RPS6KB1: variants seen among roughly 807,000 people sequenced by gnomAD.
RPS6KB1 encodes ribosomal protein S6 kinase B1, also known as ribosomal protein S6 kinase beta-1.
In RPS6KB1, 12 loss-of-function variants were observed where a neutral mutation model predicts 70.2. The ratio of observed to expected loss-of-function variants is 0.17; its 90% CI spans 0.11 to 0.28. The LOEUF (loss-of-function observed/expected upper bound fraction) is 0.28. RPS6KB1 is among the 10% of genes least tolerant of loss of function. The pLI is 1.00. For synonymous variants in RPS6KB1, 175 were observed against 211.2 expected, an observed-to-expected ratio of 0.83 and a Z score of 1.49; for missense variants, 270 against 646.6, an observed-to-expected ratio of 0.42 and a Z score of 6.32.
At chr17:59,917,672 A>G (rs2043035405) in intron 4 of RPS6KB1, among the ~76,000 whole-genome samples, 1 of 152,180 alleles carries the variant, frequency 6.6e-6, no homozygotes. Context: ...TCCTGGCCTC[A>G]AGCAGTTGTT....
At chr17:59,894,951 G>A (rs999391836) in intron 1 of RPS6KB1, among the ~76,000 whole-genome samples, 3 of 151,866 alleles carry the variant, frequency 2.0e-5, no homozygotes, top group Admixed American at 6.6e-5. Context: ...AAAATCACAC[G>A]GTTTAGAAAG....
intron 1 of RPS6KB1, among the ~76,000 whole-genome samples, chr17:59,896,011 A>C (rs924612953): frequency 1.3e-5 from 2 of 152,202 alleles, no homozygotes; most frequent in Non-Finnish European, 2.9e-5. Flanking sequence ...CACTAGTTAC[A>C]ATTGGAAACA....
At chr17:59,926,806 A>C (rs1342226340) in intron 5 of RPS6KB1, among the ~76,000 whole-genome samples, 1 of 152,196 alleles carries the variant, frequency 6.6e-6, no homozygotes, top group Non-Finnish European at 1.5e-5. Flanking sequence ...ATTTTATTTT[A>C]ATTCCTTTGT....
intron 1 of RPS6KB1, among the ~76,000 whole-genome samples, chr17:59,895,064 A>G (rs1332745328): frequency 6.6e-6 from 1 of 151,584 alleles, no homozygotes; most frequent in African/African-American, 2.4e-5. Flanking sequence ...TCTGTCACCC[A>G]GGCTGGAATG....
intron 4 of RPS6KB1, among the ~76,000 whole-genome samples, chr17:59,920,811 G>A (rs2043219621): frequency 6.6e-6 from 1 of 152,280 alleles, no homozygotes; most frequent in African/African-American, 2.4e-5. Context: ...TGATTCTAGG[G>A]CCTCAGCCTC....
intron 4 of RPS6KB1, among the ~76,000 whole-genome samples, chr17:59,920,851 A>G (rs2043222170): frequency 6.6e-6 from 1 of 152,116 alleles, no homozygotes; most frequent in Non-Finnish European, 1.5e-5. Context: ...GGTGTGTACC[A>G]CCACGCCTGG....
intron 5 of RPS6KB1, among the ~76,000 whole-genome samples, chr17:59,928,035 G>A (rs570586030): frequency 1.0e-3 from 155 of 151,782 alleles, no homozygotes; most frequent in Non-Finnish European, 1.2e-3. Context: ...GTGTGCTCCT[G>A]TAATCCCAGC....
chr17:59,930,370 C>T (rs1415263768), intron 6 of RPS6KB1, 196 bp downstream of exon 6: 5 of 564,696 alleles, frequency 8.9e-6, no homozygotes, highest in South Asian at 2.4e-5. Context: ...TTGAGTGGAA[C>T]GCTCTTCACA....
At position 59,912,781 on chromosome 17, in the gene RPS6KB1, C is replaced by G. The variant is rs2144795671; in HGVS notation, c.289C>G (p.Leu97Val). ...AGAATGTTTTGAGCTACTTCGGGTA[C>G]TTGGTAAAGGGGGCTATGGAAAGGT... ...RPECFELLRVLGKGGYGKVFQ... is the reference protein window; with the variant it reads ...RPECFELLRVVGKGGYGKVFQ... Residue 97 changes from leucine to valine, a missense_variant, in exon 3 of 15, where the codon CTT becomes GTT. Leu to Val is a conservative substitution (Grantham distance 32, BLOSUM62 1). Around this residue, in one of 4 missense-constraint regions of RPS6KB1, gnomAD observed 44 missense variants for 102.5 expected, o/e 0.43. Coordinates refer to ENST00000225577, the MANE Select transcript of RPS6KB1 (RefSeq NM_003161.4). 6.2e-7 allele frequency: 1 copy of G among 1,613,994 alleles called. No homozygotes were observed. The highest frequency in any genetic ancestry group is 8.5e-7 in the Non-Finnish European group (1 of 1,179,972).
At chr17:59,915,787 T>TA (rs71682312) in intron 4 of RPS6KB1, among the ~76,000 whole-genome samples, 1,922 of 128,508 alleles carry the variant, frequency 0.015, 64 homozygotes, top group African/African-American at 0.041. Context: ...TTTTTTTTTT[T>TA]TTTTTTTTTT....
At chr17:59,931,434 G>A (rs2043918173) in intron 6 of RPS6KB1, 188 bp from the exon 7 acceptor site, 1 of 569,216 alleles carries the variant, frequency 1.8e-6, no homozygotes, top group African/African-American at 1.9e-5. Flanking sequence ...ACTAAAATGA[G>A]TGAAACATAA....
chr17:59,929,455 G>A (rs2043813933), intron 5 of RPS6KB1, among the ~76,000 whole-genome samples: 1 of 152,202 alleles, frequency 6.6e-6, no homozygotes, highest in Non-Finnish European at 1.5e-5. Context: ...TGTGATGTTT[G>A]CCAAGTACTT....
At chr17:59,911,433 T>C (rs964818389) in intron 2 of RPS6KB1, among the ~76,000 whole-genome samples, 1 of 151,308 alleles carries the variant, frequency 6.6e-6, no homozygotes, top group Non-Finnish European at 1.5e-5. Flanking sequence ...CAATCTCGGC[T>C]CACCACAACC....
In RPS6KB1 at chr17:59,893,184, C is replaced by T. The variant is rs1198899924; in HGVS notation, c.-1C>T. The stretch of plus-strand genomic sequence containing the variant: ...GTGGTGGCTGCGGCGGGTCCGGGCC[C>T]ATGAGGCGACGAAGGAGGCGGGACG... On this transcript the variant is annotated 5_prime_UTR_variant, in exon 1 of 15. Coordinates refer to ENST00000225577, the MANE Select transcript of RPS6KB1 (RefSeq NM_003161.4). The surrounding 1 kb of genome is among the most constrained non-coding windows in gnomAD (Gnocchi z 4.1). 2 of 1,587,046 alleles carry T rather than the reference C, an allele frequency of 1.3e-6. No individual in the cohort carries two copies. Among genetic ancestry groups the T allele is most frequent in the African/African-American group, 1.3e-5 (1 of 74,804 alleles).
Position 59,930,299 on chromosome 17 carries a change from G to A in RPS6KB1, c.587+125G>A. 5.5e-6 allele frequency: 4 copies of A among 731,076 alleles called. No homozygotes were observed. In the South Asian group the frequency reaches 5.9e-5, roughly 11 times the overall value. The allele number at this position is 731,076 out of a possible 1,614,324, so 45.3% of individuals were successfully genotyped here. On this transcript the variant is annotated intron_variant, in intron 6 of 14. Coordinates refer to ENST00000225577, the MANE Select transcript of RPS6KB1 (RefSeq NM_003161.4). Reference sequence around the variant, plus strand: ...CAGTCACTCACTCAGGACCTCAAGGGGGAGAAGCAGTTTTGGGACTGGGCA... The same window carrying A: ...CAGTCACTCACTCAGGACCTCAAGGAGGAGAAGCAGTTTTGGGACTGGGCA...
intron 1 of RPS6KB1, among the ~76,000 whole-genome samples, chr17:59,904,004 G>A (rs1406675198): frequency 2.0e-5 from 3 of 152,062 alleles, no homozygotes; most frequent in Admixed American, 6.6e-5. Flanking sequence ...GCCTCCCAAA[G>A]TGCTGGGATT....
intron 4 of RPS6KB1, among the ~76,000 whole-genome samples, chr17:59,921,155 A>G (rs914224783): frequency 3.9e-5 from 6 of 152,072 alleles, no homozygotes; most frequent in East Asian, 3.9e-4. Context: ...TTCCCCACTC[A>G]TGGTGGGTGG....
At chr17:59,926,357 ATAGATTT>A (rs2043608296) in intron 4 of RPS6KB1, 71 bp from the exon 5 acceptor site, 5 of 1,136,016 alleles carry the variant, frequency 4.4e-6, no homozygotes, top group Non-Finnish European at 4.9e-6. Context: ...AAAACACAAA[ATAGATTT>A]TAGAATAAAA....
chr17:59,938,699 TTGTGTGTGTGTGTG>T (rs58751297), intron 12 of RPS6KB1, among the ~76,000 whole-genome samples: 82 of 138,168 alleles, frequency 5.9e-4, no homozygotes, highest in Non-Finnish European at 8.7e-4. Flanking sequence ...AATGTGTAGT[TTGTGTGTGTGTGTG>T]TGTGTGTGTG....
Sources: gnomAD v4.1 joint callset for allele counts (sites outside exome capture counted in the v4.1 genomes callset) on GRCh38, gnomAD v4.1.1 for gene constraint, gnomAD v4.1.1 regional missense constraint, Gnocchi (gnomAD v3.1) non-coding constraint, MANE v1.5 for transcripts, NCBI Gene and HGNC (gene_info 2026-07-23, HGNC 2026-07-21) for gene names.